Variants in CAB39L observed in about 807,000 individuals in gnomAD.
CAB39L encodes calcium-binding protein 39-like.
A neutral mutation model predicts 39.1 loss-of-function variants in CAB39L; 23 were observed. The observed-to-expected ratio is 0.59, with a 90% CI of 0.42 to 0.83. The LOEUF is 0.83. CAB39L is among the 40% of genes least tolerant of loss of function. CAB39L has a pLI of 0.00. For missense variants in CAB39L, 366 were observed against 391.9 expected, an observed-to-expected ratio of 0.93 and a Z score of 0.56; for synonymous variants, 126 against 137.2, an observed-to-expected ratio of 0.92 and a Z score of 0.57.
chr13:49,390,117 G>A (rs562494701), intron 3 of CAB39L, among the ~76,000 whole-genome samples: 12 of 152,260 alleles, frequency 7.9e-5, no homozygotes, highest in African/African-American at 2.4e-4. Flanking sequence ...AAACTCCTGA[G>A]TTTAAATGAT....
At chr13:49,346,058 C>CATATATATATATGCTATATAT (rs1555254546) in intron 7 of CAB39L, among the ~76,000 whole-genome samples, 2 of 66,412 alleles carry the variant, frequency 3.0e-5, no homozygotes, top group Admixed American at 2.0e-4. Context: ...ATTCCTCCAG[C>CATATATATATATGCTATATAT]ATATATATAT....
intron 5 of CAB39L, among the ~76,000 whole-genome samples, chr13:49,364,981 T>C (rs1398017325): frequency 2.6e-5 from 4 of 152,104 alleles, no homozygotes; most frequent in Non-Finnish European, 5.9e-5. Flanking sequence ...AAACCCAGAA[T>C]AGCCAAAACC....
intron 7 of CAB39L, among the ~76,000 whole-genome samples, chr13:49,346,589 A>G (rs1187115839): frequency 6.6e-6 from 1 of 152,172 alleles, no homozygotes; most frequent in Non-Finnish European, 1.5e-5. Context: ...AACTTGGGGT[A>G]GAGTGAGAGA....
At chr13:49,417,069 C>T (rs1165278097) in intron 3 of CAB39L, among the ~76,000 whole-genome samples, 1 of 152,220 alleles carries the variant, frequency 6.6e-6, no homozygotes, top group Non-Finnish European at 1.5e-5. Context: ...CATCTAAAAT[C>T]TCACTGGCTC....
chr13:49,333,763 G>T (rs1388256802), intron 9 of CAB39L, among the ~76,000 whole-genome samples: 2 of 151,332 alleles, frequency 1.3e-5, no homozygotes, highest in East Asian at 3.9e-4. Flanking sequence ...TAGTAGAGAC[G>T]GGGTTTCACC....
intron 3 of CAB39L, among the ~76,000 whole-genome samples, chr13:49,391,833 A>G (rs903737339): frequency 6.6e-6 from 1 of 152,130 alleles, no homozygotes. Flanking sequence ...CAAATAGTAA[A>G]CAGAGAATAT....
intron 3 of CAB39L, among the ~76,000 whole-genome samples, chr13:49,409,025 G>GA (rs960825393): frequency 2.0e-5 from 3 of 152,206 alleles, no homozygotes; most frequent in Admixed American, 6.5e-5. Flanking sequence ...GTATTAGTGG[G>GA]AAAGGGGCCT....
Position 49,339,680 on chromosome 13 carries a change from TAA to T in CAB39L, c.685_686del (p.Leu229LysfsTer36), listed in dbSNP as rs1954949431. The T allele has an allele frequency of 6.4e-7, 1 of 1,571,896 alleles. No homozygotes were observed. Among genetic ancestry groups the T allele is most frequent in the Non-Finnish European group, 8.6e-7 (1 of 1,162,950 alleles). On this transcript the variant is annotated frameshift_variant, in exon 9 of 11. Transcript: ENST00000409308. LOFTEE classifies it high-confidence loss of function. ...ACTTAAAGAAATTTGATATTACCTTTAAAGACTGTCTCTTAGTAACATAATTC... is the reference window on the plus strand; with the variant it reads ...ACTTAAAGAAATTTGATATTACCTTTAGACTGTCTCTTAGTAACATAATTC... ...SENYVTKRQS[L>X]KLLGELILDR...
At chr13:49,341,219 A>G (rs944139213) in intron 8 of CAB39L, among the ~76,000 whole-genome samples, 9 of 152,004 alleles carry the variant, frequency 5.9e-5, no homozygotes, top group African/African-American at 1.9e-4. Context: ...TTAACAGTTC[A>G]TTTCCTAAAT....
intron 1 of CAB39L, among the ~76,000 whole-genome samples, chr13:49,434,781 A>C (rs1413480852): frequency 6.6e-6 from 1 of 152,148 alleles, no homozygotes; most frequent in Non-Finnish European, 1.5e-5. Flanking sequence ...TACTACTACT[A>C]CTGAATATAT....
intron 5 of CAB39L, among the ~76,000 whole-genome samples, chr13:49,372,295 T>C (rs1333659725): frequency 6.6e-6 from 1 of 152,184 alleles, no homozygotes; most frequent in Non-Finnish European, 1.5e-5. Context: ...CTTAAAGCAT[T>C]AGATAAAAAT....
chr13:49,321,869 C>G (rs892486460), intron 10 of CAB39L, among the ~76,000 whole-genome samples: 1 of 152,052 alleles, frequency 6.6e-6, no homozygotes, highest in South Asian at 2.1e-4. Context: ...CTTAGAGTAA[C>G]AGAACACGTT....
intron 3 of CAB39L, among the ~76,000 whole-genome samples, chr13:49,388,738 A>G (rs1215577298): frequency 6.6e-6 from 1 of 152,176 alleles, no homozygotes; most frequent in Non-Finnish European, 1.5e-5. Context: ...TAACTCATTC[A>G]TATAGGAATA....
intron 3 of CAB39L, 32 bp from the exon 4 acceptor site, chr13:49,382,973 C>A: frequency 1.1e-6 from 1 of 909,168 alleles, no homozygotes; most frequent in Non-Finnish European, 1.7e-6. Context: ...AAAATTATAA[C>A]TTTAACTCTT....
intron 6 of CAB39L, among the ~76,000 whole-genome samples, chr13:49,356,389 T>C (rs1955484310): frequency 6.6e-6 from 1 of 152,200 alleles, no homozygotes; most frequent in Admixed American, 6.5e-5. Flanking sequence ...TTCAGTGACC[T>C]CATTCTCAAG....
chr13:49,414,345 G>A (rs1463332169), intron 3 of CAB39L: 1 of 152,008 alleles, frequency 6.6e-6, no homozygotes, highest in African/African-American at 2.4e-5. Flanking sequence ...AAAATCCCCA[G>A]GAACCTTTCT....
At chr13:49,378,521 C>T (rs1229327242) in intron 4 of CAB39L, among the ~76,000 whole-genome samples, 3 of 67,352 alleles carry the variant, frequency 4.5e-5, no homozygotes, top group African/African-American at 9.1e-5. Flanking sequence ...CCAGCCACCC[C>T]GTCCGGGAGG....
intron 10 of CAB39L, among the ~76,000 whole-genome samples, chr13:49,331,136 A>G (rs765118971): frequency 6.6e-6 from 1 of 152,138 alleles, no homozygotes; most frequent in Non-Finnish European, 1.5e-5. Flanking sequence ...ACAGAATTAC[A>G]AATAGAATTC....
chr13:49,313,426 A>G (rs957845316), intron 10 of CAB39L, among the ~76,000 whole-genome samples: 18 of 151,204 alleles, frequency 1.2e-4, no homozygotes, highest in African/African-American at 4.4e-4. Flanking sequence ...GCTTGCAGTG[A>G]GCTGAGATCG....
Sources: allele counts gnomAD v4.1 joint callset (sites outside exome capture counted in the v4.1 genomes callset), GRCh38; gene constraint gnomAD v4.1.1; transcripts MANE v1.5; gene names NCBI Gene and HGNC (gene_info 2026-07-23, HGNC 2026-07-21).